CCNJL: variants seen among roughly 807,000 people sequenced by gnomAD.
CCNJL encodes cyclin J like.
Under a neutral mutation model 33.4 loss-of-function variants are expected in CCNJL, and 33 were observed. The ratio of observed to expected loss-of-function variants is 0.99; its 90% confidence interval spans 0.75 to 1.32. The LOEUF is 1.32. CCNJL is among the 40% of genes most tolerant of loss of function. CCNJL has a pLI of 0.00. For synonymous variants in CCNJL, 227 were observed against 220.9 expected, an observed-to-expected ratio of 1.03 and a Z score of -0.24; for missense variants, 512 against 499.7, an observed-to-expected ratio of 1.02 and a Z score of -0.23.
chr5:160,305,919 GT>G (rs1259572939), intron 2 of CCNJL, among the ~76,000 whole-genome samples: 1 of 152,202 alleles, frequency 6.6e-6, no homozygotes, highest in Non-Finnish European at 1.5e-5. Flanking sequence ...TGCTGTTCAT[GT>G]TTTGGAAGAT....
In CCNJL at chr5:160,321,067, TTTCTTTCTTTCTTTCTTTCTTTCC is replaced by T. The variant is rs1388541400; in HGVS notation, n.207-5586_207-5563del. Among the ~76,000 whole-genome samples the T allele has an allele frequency of 9.8e-4, 106 of 108,288 alleles. 3 individuals are homozygous for T. The highest frequency in any genetic ancestry group is 4.3e-3 in the African/African-American group (97 of 22,542). The allele number at this position is 108,288 out of a possible 152,430, so 71.0% of individuals were successfully genotyped here. ...CTTTCTTTCTTTCTTTCTTTCTTTC[TTTCTTTCTTTCTTTCTTTCTTTCC>T]TTCTCTCTTTCTCTCTCTCTCTTTT... On this transcript the variant is annotated intron_variant and non_coding_transcript_variant, in intron 1 of 7. Transcript: ENST00000377503.
At chr5:160,325,012 G>T (rs973200861) in intron 1 of CCNJL, among the ~76,000 whole-genome samples, 2 of 152,180 alleles carry the variant, frequency 1.3e-5, no homozygotes, top group African/African-American at 4.8e-5. Flanking sequence ...TTCCAGGCCT[G>T]CCTCTGCCCT....
chr5:160,256,101 C>G (rs758044992), intron 4 of CCNJL, among the ~76,000 whole-genome samples: 3 of 152,128 alleles, frequency 2.0e-5, no homozygotes, highest in African/African-American at 4.8e-5. Flanking sequence ...GTAATTCAGG[C>G]TGGTATCGAA....
At chr5:160,290,103 G>C (rs570352493) in intron 2 of CCNJL, among the ~76,000 whole-genome samples, 4 of 152,286 alleles carry the variant, frequency 2.6e-5, no homozygotes, top group African/African-American at 7.2e-5. Flanking sequence ...GTTCCGCCAG[G>C]CACCCTTGGT....
intron 1 of CCNJL, among the ~76,000 whole-genome samples, 188 bp from the exon 2 acceptor site, chr5:160,312,160 C>T (rs1018477439): frequency 1.3e-5 from 2 of 152,226 alleles, no homozygotes; most frequent in Admixed American, 6.5e-5. Flanking sequence ...TCGCCGGACA[C>T]GGGGCGATAT....
At chr5:160,283,434 A>G (rs1762306895) in intron 2 of CCNJL, among the ~76,000 whole-genome samples, 1 of 152,206 alleles carries the variant, frequency 6.6e-6, no homozygotes, top group South Asian at 2.1e-4. Context: ...TGATGATTGT[A>G]TAGCTCTGTG....
At chr5:160,254,478 T>G (rs550300495) in intron 5 of CCNJL, 65 of 509,866 alleles carry the variant, frequency 1.3e-4, no homozygotes, top group African/African-American at 1.1e-3. Context: ...AATTTTAAAA[T>G]AAGGCCTACG....
At chr5:160,306,466 C>G (rs956037340) in intron 2 of CCNJL, among the ~76,000 whole-genome samples, 9 of 152,022 alleles carry the variant, frequency 5.9e-5, no homozygotes, top group African/African-American at 2.2e-4. Context: ...ACCCAGTGGA[C>G]GAGAAGGAGG....
In CCNJL at chr5:160,280,579, CGTT is replaced by C. The variant is rs2113350957; in HGVS notation, c.223_225del (p.Asn75del). 1 of 1,613,384 alleles carries C rather than the reference CGTT, an allele frequency of 6.2e-7. No individual in the cohort carries two copies. Among genetic ancestry groups the C allele is most frequent in the East Asian group, 2.2e-5 (1 of 44,876 alleles). On this transcript the variant is annotated inframe_deletion, in exon 3 of 6. Coordinates refer to ENST00000257536, the MANE Select transcript of CCNJL (RefSeq NM_001308173.3). ...GTGTAGAGCTGCTTGGAGGTGGTGA[CGTT>C]GTAGCGATCCATGAAGTGGTCCAGC...
In CCNJL at chr5:160,320,166, A is replaced by G. The variant is rs552654224; in HGVS notation, n.207-4661T>C. ...TTTCCTTAAAGGACTGTTGTATGAC[A>G]TGAAGAATCATGAGGTATAAATTGC... On this transcript the variant is annotated intron_variant and non_coding_transcript_variant, in intron 1 of 7. Transcript: ENST00000377503. Among the ~76,000 whole-genome samples, 204 of 152,358 alleles carry G rather than the reference A, an allele frequency of 1.3e-3. 1 individual carries two copies. The highest frequency in any genetic ancestry group is 4.7e-3 in the African/African-American group (194 of 41,572).
chr5:160,284,841 T>A (rs1277905425), intron 2 of CCNJL, among the ~76,000 whole-genome samples: 1 of 152,256 alleles, frequency 6.6e-6, no homozygotes, highest in Admixed American at 6.5e-5. Context: ...AAGATCTTAA[T>A]TAGAAGACTT....
Position 160,253,419 on chromosome 5 carries a change from T to C in CCNJL, c.1123A>G (p.Ser375Gly). 6.2e-7 allele frequency: 1 copy of C among 1,602,610 alleles called. No homozygotes were observed. The highest frequency in any genetic ancestry group is 2.2e-5 in the East Asian group (1 of 44,676). The change falls in exon 6 of 6, where the codon AGT (serine) becomes GGT (glycine). Residue 375 changes from serine to glycine, a missense_variant. Ser to Gly is a moderately conservative substitution (Grantham distance 56). Coordinates refer to ENST00000257536, the MANE Select transcript of CCNJL (RefSeq NM_001308173.3). ...LATTYGSSYF[S>G]GSHMFPTGCF... ...CCGGTGGGGAACATGTGGCTCCCACTGAAGTAGCTGCTTCCATAGGTGGTG... is the reference window on the plus strand; with the variant it reads ...CCGGTGGGGAACATGTGGCTCCCACCGAAGTAGCTGCTTCCATAGGTGGTG...
chr5:160,258,972 C>T (rs1761197808), intron 4 of CCNJL, among the ~76,000 whole-genome samples: 2 of 152,204 alleles, frequency 1.3e-5, no homozygotes, highest in Non-Finnish European at 2.9e-5. Context: ...GTGTGAGCTA[C>T]CGCGCCCGCC....
At chr5:160,296,350 T>G (rs549177287) in intron 2 of CCNJL, among the ~76,000 whole-genome samples, 2 of 152,314 alleles carry the variant, frequency 1.3e-5, no homozygotes, top group Admixed American at 1.3e-4. Flanking sequence ...AGAATAATGT[T>G]TACTATGAAA....
At chr5:160,308,171 AT>A (rs973799682) in intron 2 of CCNJL, among the ~76,000 whole-genome samples, 2 of 152,248 alleles carry the variant, frequency 1.3e-5, no homozygotes, top group Non-Finnish European at 2.9e-5. Context: ...TGAACGGGCC[AT>A]CACTGTCTTG....
At chr5:160,310,180 C>T (rs1384592177) in intron 2 of CCNJL, among the ~76,000 whole-genome samples, 3 of 152,166 alleles carry the variant, frequency 2.0e-5, no homozygotes, top group Non-Finnish European at 2.9e-5. Context: ...CCAATTTCCA[C>T]GGCAGTCCTC....
At chr5:160,325,385 C>T (rs1176813604) in intron 1 of CCNJL, among the ~76,000 whole-genome samples, 1 of 152,112 alleles carries the variant, frequency 6.6e-6, no homozygotes, top group Non-Finnish European at 1.5e-5. Context: ...AATCTTATCG[C>T]CTGTTGCTCC....
At chr5:160,302,170 C>T (rs577736167) in intron 2 of CCNJL, among the ~76,000 whole-genome samples, 106 of 152,246 alleles carry the variant, frequency 7.0e-4, no homozygotes, top group African/African-American at 2.5e-3. Context: ...AATGAATAAG[C>T]AGTCCCCTAA....
At chr5:160,282,868 G>C (rs914333924) in intron 2 of CCNJL, among the ~76,000 whole-genome samples, 2 of 149,988 alleles carry the variant, frequency 1.3e-5, no homozygotes, top group Admixed American at 1.3e-4. Context: ...CTGCTGGTGG[G>C]TAAGTAAAAT....
Sources: gnomAD v4.1 joint callset for allele counts (sites outside exome capture counted in the v4.1 genomes callset) on GRCh38, gnomAD v4.1.1 for gene constraint, MANE v1.5 for transcripts, NCBI Gene and HGNC (gene_info 2026-07-23, HGNC 2026-07-21) for gene names.